Variants in MYO18B observed in about 807,000 individuals in gnomAD.
MYO18B encodes the protein myosin XVIIIB.
A neutral mutation model predicts 273.0 loss-of-function variants in MYO18B; 204 were observed. The ratio of observed to expected loss-of-function variants is 0.75; its 90% confidence interval spans 0.67 to 0.84. The LOEUF is 0.84. Ranked by LOEUF, MYO18B falls within the 40% of genes least tolerant of loss-of-function variation. The pLI, the probability that MYO18B is intolerant of heterozygous loss-of-function variation, is 0.00. For missense variants in MYO18B, 3,212 were observed against 3,287.6 expected (o/e 0.98, Z 0.56); for synonymous variants, 1,330 against 1,305.7 (o/e 1.02, Z -0.40).
rs185564322 is a variant in MYO18B, at chr22:25,755,207, T to A, written c.-109-5777T>A. Among the ~76,000 whole-genome samples, 297 of 152,042 alleles carry A rather than the reference T, an allele frequency of 2.0e-3. 1 individual carries two copies. The highest frequency in any genetic ancestry group is 3.1e-3 in the Non-Finnish European group (210 of 68,004). ...TCTTGTGTCTTTTTAAATTAAATTT[T>A]ATTTTATTTTTTTTTTGAGACAGAG... On this transcript the variant is annotated intron_variant, in intron 1 of 43. Transcript: ENST00000335473.
rs1167201296 is a variant in MYO18B, at chr22:26,027,754, A to G, written c.*12+64A>G. 2.3e-5 allele frequency: 33 copies of G among 1,465,974 alleles called. No homozygotes were observed. The highest frequency in any genetic ancestry group is 2.9e-5 in the Non-Finnish European group (32 of 1,102,016). The allele number at this position is 1,465,974 out of a possible 1,614,324, so 90.8% of individuals were successfully genotyped here. On this transcript the variant is annotated intron_variant, in intron 43 of 43. Coordinates refer to ENST00000335473, the MANE Select transcript of MYO18B (RefSeq NM_032608.7). The surrounding 1 kb of genome is among the most constrained non-coding windows in gnomAD (Gnocchi z 4.1). ...GAGTTCACCTTGCAGCCTTGGGGAG[A>G]GCAGGTGCCACTACTGTCCTTAATG...
chr22:25,835,250 C>G (rs1437648741), intron 16 of MYO18B, 46 bp from the exon 17 acceptor site: 1 of 1,589,174 alleles, frequency 6.3e-7, no homozygotes, highest in Non-Finnish European at 8.5e-7. Context: ...AGACAGGCTT[C>G]TGATGGGTAT....
At chr22:25,981,384 C>G (rs2093147085) in intron 39 of MYO18B, among the ~76,000 whole-genome samples, 1 of 152,206 alleles carries the variant, frequency 6.6e-6, no homozygotes, top group South Asian at 2.1e-4. Context: ...ATCTGTGTCT[C>G]TGGCATTCAC....
chr22:25,785,281 C>G (rs2087333395), intron 10 of MYO18B, 147 bp from the exon 11 acceptor site: 2 of 651,186 alleles, frequency 3.1e-6, no homozygotes, highest in Non-Finnish European at 5.3e-6. Context: ...TATCCCAGGG[C>G]AGAGTTAGTG....
intron 6 of MYO18B, 135 bp from the exon 7 acceptor site, chr22:25,772,199 G>T: frequency 2.7e-6 from 2 of 747,014 alleles, no homozygotes; most frequent in Non-Finnish European, 4.2e-6. Context: ...CAGAGTCCCT[G>T]TGCTCTGTTC....
chr22:25,868,479 T>G, intron 22 of MYO18B, 94 bp downstream of exon 22: 5 of 1,053,178 alleles, frequency 4.7e-6, no homozygotes, highest in Non-Finnish European at 5.6e-6. Flanking sequence ...CTATTATCTC[T>G]GTACGTCTCC....
chr22:25,829,534 A>G lies in MYO18B; in HGVS notation c.2979+566A>G, dbSNP rs949502895. 4.6e-5 allele frequency among the ~76,000 whole-genome samples: 7 copies of G among 152,010 alleles called. No homozygotes were observed. The South Asian group carries it at 1.5e-3, about 32-fold the overall frequency. ...CCTTCTTTTTTCATAAAAAAAAAAA[A>G]AAAGAGGTTAAGTTGAAATATAAGG... On this transcript the variant is annotated intron_variant, in intron 15 of 43. Coordinates refer to ENST00000335473, the MANE Select transcript of MYO18B (RefSeq NM_032608.7).
chr22:25,951,703 T>C (rs1203069095), intron 37 of MYO18B, among the ~76,000 whole-genome samples: 3 of 152,224 alleles, frequency 2.0e-5, no homozygotes, highest in Admixed American at 2.0e-4. Context: ...AAGTGACTGT[T>C]GGAGTGACCA....
chr22:25,866,874 T>C (rs900088515), intron 21 of MYO18B, among the ~76,000 whole-genome samples: 1 of 144,298 alleles, frequency 6.9e-6, no homozygotes, highest in African/African-American at 2.6e-5. Context: ...ATCAGGCAGG[T>C]GAGGTTATTG....
rs769533371 is a variant in MYO18B at position 26,027,352 on chromosome 22, T to C, written c.7378T>C (p.Ser2460Pro). The part of the protein sequence containing the change: ...KPQTPTSLAG[S>P]AKGGQDGSQR... ...CCAGACACCTACCTCCTTGGCTGGA[T>C]CAGCCAAAGGTGGGCAAGACGGTTC... is the stretch of plus-strand genomic sequence containing the variant. Residue 2460 changes from serine to proline, a missense_variant, in exon 43 of 44, where the codon TCA becomes CCA. Coordinates refer to ENST00000335473, the MANE Select transcript of MYO18B (RefSeq NM_032608.7). The surrounding 1 kb of genome is among the most constrained non-coding windows in gnomAD (Gnocchi z 4.1). 6.2e-7 allele frequency: 1 copy of C among 1,613,942 alleles called. No individual in the cohort carries two copies. The highest frequency in any genetic ancestry group is 1.1e-5 in the South Asian group (1 of 91,070).
chr22:25,885,072 G>A (rs767569713), intron 25 of MYO18B, among the ~76,000 whole-genome samples: 1 of 152,138 alleles, frequency 6.6e-6, no homozygotes, highest in Non-Finnish European at 1.5e-5. Flanking sequence ...AGCATTCAAT[G>A]CAAATTCAGT....
chr22:25,954,097 TCAACACTAGAGTATTTGCCCATC>T (rs2092821726), intron 38 of MYO18B, among the ~76,000 whole-genome samples: 1 of 152,230 alleles, frequency 6.6e-6, no homozygotes, highest in African/African-American at 2.4e-5. Flanking sequence ...CCGTCTTATG[TCAACACTAGAGTATTTGCCCATC>T]AGGATCGATT....
At chr22:25,999,974 A>G (rs537863271) in intron 40 of MYO18B, among the ~76,000 whole-genome samples, 1 of 152,148 alleles carries the variant, frequency 6.6e-6, no homozygotes, top group Non-Finnish European at 1.5e-5. Flanking sequence ...TTAAAAAGCC[A>G]CTTGCACCAA....
chr22:25,751,460 C>T (rs1297727870), intron 1 of MYO18B, among the ~76,000 whole-genome samples: 5 of 152,340 alleles, frequency 3.3e-5, no homozygotes, highest in East Asian at 3.9e-4. Context: ...CTTGCCACCA[C>T]GACATAGGGC....
intron 34 of MYO18B, among the ~76,000 whole-genome samples, chr22:25,944,129 A>G (rs2092677471): frequency 6.6e-6 from 1 of 152,148 alleles, no homozygotes; most frequent in Non-Finnish European, 1.5e-5. Context: ...GGGCAGCCCT[A>G]TCACCCACCT....
rs147658301 is a variant in MYO18B, at chr22:25,960,459, T to C, written c.6156+5095T>C. On this transcript the variant is annotated intron_variant, in intron 39 of 43. Transcript: ENST00000335473. ...CAGAGGCTGCACCTGTTGGGTTTTATCCCTCATCACCTTGGCCTGATTCTC... is the reference window on the plus strand; with the variant it reads ...CAGAGGCTGCACCTGTTGGGTTTTACCCCTCATCACCTTGGCCTGATTCTC... 4.7e-3 allele frequency among the ~76,000 whole-genome samples: 716 copies of C among 152,240 alleles called. 8 individuals are homozygous for C. The highest frequency in any genetic ancestry group is 0.021 in the South Asian group (102 of 4,806).
Position 25,777,687 on chromosome 22 carries a change from C to T in MYO18B, c.1974C>T (p.Ala658=), listed in dbSNP as rs2086969843. Residue 658 remains alanine, a synonymous_variant, in exon 8 of 44, where the codon GCC becomes GCT. Coordinates refer to ENST00000335473, the MANE Select transcript of MYO18B (RefSeq NM_032608.7). The stretch of plus-strand genomic sequence containing the variant: ...AGCGGAGAGACCAGAGCATTGTGGC[C>T]CTGGGCTGGAGTGGCGCTGGGAAGA... ...LNQRRDQSIV[A]LGWSGAGKTT... 1 of 1,613,034 alleles carries T rather than the reference C, an allele frequency of 6.2e-7. No homozygotes were observed. Among genetic ancestry groups the T allele is most frequent in the Non-Finnish European group, 8.5e-7 (1 of 1,179,438 alleles).
At position 25,847,610 on chromosome 22, in the gene MYO18B, G is replaced by C; in HGVS notation, c.3733G>C (p.Ala1245Pro). Reference protein sequence around the residue: ...LDIPALRVQLAGFHILEALRL... With the variant: ...LDIPALRVQLPGFHILEALRL... ...TATCCCAGCACTGAGGGTCCAGCTTGCTGGGTTCCACATCCTGGAGGCTCT... is the reference window on the plus strand; with the variant it reads ...TATCCCAGCACTGAGGGTCCAGCTTCCTGGGTTCCACATCCTGGAGGCTCT... Residue 1245 changes from alanine (A) to proline (P), a missense_variant, in exon 20 of 44, where the codon GCT becomes CCT. Transcript: ENST00000335473. 2.6e-6 allele frequency: 4 copies of C among 1,563,998 alleles called. No individual in the cohort carries two copies. The highest frequency in any genetic ancestry group is 3.5e-6 in the Non-Finnish European group (4 of 1,154,382).
chr22:25,840,886 ACT>A (rs2090063387), intron 17 of MYO18B, among the ~76,000 whole-genome samples: 1 of 151,992 alleles, frequency 6.6e-6, no homozygotes. Flanking sequence ...CAAGGGAGAG[ACT>A]CTGTCCATAT....
Sources: allele counts gnomAD v4.1 joint callset (sites outside exome capture counted in the v4.1 genomes callset), GRCh38; gene constraint gnomAD v4.1.1; non-coding constraint Gnocchi (gnomAD v3.1); transcripts MANE v1.5; gene names NCBI Gene and HGNC (gene_info 2026-07-23, HGNC 2026-07-21).